MCMBP: variants seen among roughly 807,000 people sequenced by gnomAD.
The protein encoded by MCMBP is minichromosome maintenance complex binding protein, also known as mini-chromosome maintenance complex-binding protein.
In MCMBP, 31 loss-of-function variants were observed where a neutral mutation model predicts 81.3. The ratio of observed to expected loss-of-function variants is 0.38; its 90% CI spans 0.29 to 0.51. MCMBP has a LOEUF of 0.51. MCMBP is among the 20% of genes least tolerant of loss of function. The probability of loss-of-function intolerance (pLI) is 0.87; values close to 1 mark genes in which losing one functional copy is unlikely to be tolerated. For missense variants in MCMBP, 645 were observed against 772.1 expected (o/e 0.84, Z 1.95); for synonymous variants, 267 against 275.9 (o/e 0.97, Z 0.32).
intron 14 of MCMBP, among the ~76,000 whole-genome samples, chr10:119,834,427 A>G (rs1356760356): frequency 6.6e-6 from 1 of 152,194 alleles, no homozygotes; most frequent in African/African-American, 2.4e-5. Context: ...GTGGGAGGAC[A>G]TATTCGAAAT....
chr10:119,844,184 T>C (rs1467026246), intron 8 of MCMBP, among the ~76,000 whole-genome samples: 1 of 152,220 alleles, frequency 6.6e-6, no homozygotes, highest in South Asian at 2.1e-4. Flanking sequence ...TTGTTTTTCC[T>C]AAATTTAATT....
chr10:119,840,944 C>T lies in MCMBP; in HGVS notation c.1141G>A (p.Val381Ile). The T allele has an allele frequency of 1.9e-6, 3 of 1,601,822 alleles. No individual in the cohort carries two copies. ...LISTVYTRRDVLPLGKFTVNL... is the reference protein window; with the variant it reads ...LISTVYTRRDILPLGKFTVNL... ...ACTGTAAATTTTCCTAGTGGAAGGA[C>T]ATCTCTTCTTGTATATCTAGAAAAG... Residue 381 changes from valine (V) to isoleucine (I), a missense_variant, in exon 11 of 16, where the codon GTC (valine) becomes ATC (isoleucine). Physicochemically the swap from Val to Ile is conservative, Grantham distance 29. Transcript: ENST00000369077.
At position 119,849,571 on chromosome 10, in the gene MCMBP, C is replaced by T; in HGVS notation, c.580G>A (p.Val194Ile). 6.3e-7 allele frequency: 1 copy of T among 1,577,948 alleles called. No homozygotes were observed. Among genetic ancestry groups the T allele is most frequent in the Non-Finnish European group, 8.6e-7 (1 of 1,169,584 alleles). Residue 194 changes from valine to isoleucine, a missense_variant, in exon 7 of 16, where the codon GTT becomes ATT. Coordinates refer to ENST00000369077, the MANE Select transcript of MCMBP (RefSeq NM_001256378.2). ...QHAGARQAGS[V>I]GGLQWCGEPK... Reference sequence around the variant, plus strand: ...TCTCCACACCATTGAAGACCACCAACACTCCCTAAATTCAAAGGATAGCAT... The same window carrying T: ...TCTCCACACCATTGAAGACCACCAATACTCCCTAAATTCAAAGGATAGCAT...
chr10:119,850,882 T>G (rs935580093), intron 6 of MCMBP, among the ~76,000 whole-genome samples: 1 of 149,678 alleles, frequency 6.7e-6, no homozygotes, highest in Non-Finnish European at 1.5e-5. Context: ...CTGTTTTTTT[T>G]TTTTTTTTTT....
chr10:119,860,076 G>A (rs1220948723), intron 1 of MCMBP, among the ~76,000 whole-genome samples, 192 bp from the exon 2 acceptor site: 1 of 152,100 alleles, frequency 6.6e-6, no homozygotes, highest in African/African-American at 2.4e-5. Context: ...ACACATTCAA[G>A]AAGCTGTACT....
At chr10:119,838,267 ATATAT>A (rs1301043817) in intron 12 of MCMBP, among the ~76,000 whole-genome samples, 2 of 148,098 alleles carry the variant, frequency 1.4e-5, no homozygotes, top group East Asian at 1.9e-4. Flanking sequence ...ATGAGACATT[ATATAT>A]TATATATGAT....
chr10:119,859,864 C>G lies in MCMBP; in HGVS notation c.79G>C (p.Asp27His). Residue 27 changes from aspartate to histidine, a missense_variant, in exon 2 of 16, where the codon GAC becomes CAC. Transcript: ENST00000369077. Reference protein sequence around the residue: ...GFFAQNGVNPDWEKKVIEYFK... With the variant: ...GFFAQNGVNPHWEKKVIEYFK... ...TACTCAATTACTTTCTTCTCCCAGT[C>G]AGGATTAACTCCATTTTGGGCTGAA... 6.2e-7 allele frequency: 1 copy of G among 1,613,004 alleles called. No individual in the cohort carries two copies. The highest frequency in any genetic ancestry group is 8.5e-7 in the Non-Finnish European group (1 of 1,179,466).
rs780333288 is a variant in MCMBP at position 119,857,378 on chromosome 10, T to C, written c.389A>G (p.Tyr130Cys). The change falls in exon 5 of 16, where the codon TAT becomes TGT. Residue 130 changes from tyrosine to cysteine, a missense_variant. Transcript: ENST00000369077. Reference sequence around the variant, plus strand: ...AGATTCCCCAGGCACCGGAACACAATAGAAAGTCTGTCTTTCCAAAGTGGT... The same window carrying C: ...AGATTCCCCAGGCACCGGAACACAACAGAAAGTCTGTCTTTCCAAAGTGGT... ...RNTTLERQTFYCVPVPGESTW... is the reference protein window; with the variant it reads ...RNTTLERQTFCCVPVPGESTW... 8.1e-6 allele frequency: 13 copies of C among 1,611,342 alleles called. No homozygotes were observed. Among genetic ancestry groups the C allele is most frequent in the East Asian group, 2.2e-5 (1 of 44,790 alleles).
At chr10:119,870,607 T>C (rs972846202) in intron 1 of MCMBP, among the ~76,000 whole-genome samples, 2 of 152,258 alleles carry the variant, frequency 1.3e-5, no homozygotes, top group African/African-American at 2.4e-5. Context: ...TTTTCTGCTA[T>C]ATGTTGCTGA....
rs760237146 is a variant in MCMBP, at chr10:119,843,402, C to A, written c.852G>T (p.Pro284=). 9 of 1,613,684 alleles carry A rather than the reference C, an allele frequency of 5.6e-6. No homozygotes were observed. The highest frequency in any genetic ancestry group is 7.6e-6 in the Non-Finnish European group (9 of 1,179,806). The part of the protein sequence containing the change: ...DERDASALLD[P]MECTDTAEEQ... Reference sequence around the variant, plus strand: ...CCTCTGCTGTGTCTGTGCACTCCATCGGATCCAGCAGTGCAGAGGCATCCC... The same window carrying A: ...CCTCTGCTGTGTCTGTGCACTCCATAGGATCCAGCAGTGCAGAGGCATCCC... Residue 284 remains proline, a synonymous_variant, in exon 9 of 16, where the codon CCG becomes CCT. Coordinates refer to ENST00000369077, the MANE Select transcript of MCMBP (RefSeq NM_001256378.2).
At position 119,853,042 on chromosome 10, in the gene MCMBP, C is replaced by T. The variant is rs1224921990; in HGVS notation, c.574+8G>A. ...AAAGTCTAGAGAAAACCTGTTGGCACACACTACCTGCTTGTCTGGCACCTG... is the reference window on the plus strand; with the variant it reads ...AAAGTCTAGAGAAAACCTGTTGGCATACACTACCTGCTTGTCTGGCACCTG... On this transcript the variant is annotated splice_region_variant and intron_variant, in intron 6 of 15. Transcript: ENST00000369077. 2.5e-6 allele frequency: 4 copies of T among 1,613,714 alleles called. No individual in the cohort carries two copies. Among genetic ancestry groups the T allele is most frequent in the Non-Finnish European group, 3.4e-6 (4 of 1,179,836 alleles).
intron 11 of MCMBP, among the ~76,000 whole-genome samples, chr10:119,840,243 G>A (rs1249915993): frequency 3.3e-5 from 5 of 152,186 alleles, no homozygotes; most frequent in Non-Finnish European, 7.4e-5. Flanking sequence ...GCTTCTTGAG[G>A]GCCTGGACGA....
At position 119,836,983 on chromosome 10, in the gene MCMBP, C is replaced by G; in HGVS notation, c.1455G>C (p.Lys485Asn). 1 of 1,613,766 alleles carries G rather than the reference C, an allele frequency of 6.2e-7. No homozygotes were observed. Among genetic ancestry groups the G allele is most frequent in the East Asian group, 2.2e-5 (1 of 44,880 alleles). ...GATGGTAGCTGAAGTCATAATCCAC[C>G]TTCTGCCACGTTATGAGGTTGCTCA... The part of the protein sequence containing the change: ...TALSNLITWQ[K>N]VDYDFSYHQM... Residue 485 changes from lysine to asparagine, a missense_variant, in exon 13 of 16, where the codon AAG becomes AAC. By Grantham distance (94) the Lys-to-Asn change is moderately conservative. Transcript: ENST00000369077.
chr10:119,830,217 A>G lies in MCMBP; in HGVS notation c.*1257T>C, dbSNP rs547715422. ...ACAATTTCAATTTAGGCCTTATAGG[A>G]AAAAACGTAAGGGATCCTTTATCTG... is the stretch of plus-strand genomic sequence containing the variant. On this transcript the variant is annotated 3_prime_UTR_variant, in exon 16 of 16. Coordinates refer to ENST00000369077, the MANE Select transcript of MCMBP (RefSeq NM_001256378.2). 1 of 152,760 alleles carries G rather than the reference A, an allele frequency of 6.5e-6. No individual in the cohort carries two copies. The highest frequency in any genetic ancestry group is 1.9e-4 in the East Asian group (1 of 5,176). 9.5% of individuals were successfully genotyped at this position (152,760 alleles called of 1,614,324 possible). A position where few individuals can be genotyped will look rare whatever the true frequency, so the allele number is the denominator to read the frequency against.
chr10:119,841,137 T>C, intron 10 of MCMBP, among the ~76,000 whole-genome samples, 177 bp from the exon 11 acceptor site: 1 of 152,270 alleles, frequency 6.6e-6, no homozygotes, highest in Non-Finnish European at 1.5e-5. Flanking sequence ...TGTACGTAAG[T>C]GCTGCTGGTC....
At chr10:119,870,388 A>G (rs1853629158) in intron 1 of MCMBP, among the ~76,000 whole-genome samples, 2 of 152,250 alleles carry the variant, frequency 1.3e-5, no homozygotes, top group Admixed American at 6.5e-5. Context: ...CGGAGGTTGC[A>G]GTGAGCCGAG....
intron 6 of MCMBP, among the ~76,000 whole-genome samples, chr10:119,852,628 T>C (rs1852874182): frequency 6.6e-6 from 1 of 152,186 alleles, no homozygotes; most frequent in African/African-American, 2.4e-5. Flanking sequence ...CAATAAGCCA[T>C]GATTATGCCA....
At chr10:119,839,817 T>G (rs1328684197) in intron 11 of MCMBP, among the ~76,000 whole-genome samples, 1 of 152,222 alleles carries the variant, frequency 6.6e-6, no homozygotes, top group Non-Finnish European at 1.5e-5. Flanking sequence ...CCCAGTTATC[T>G]GCAAAGGCTA....
intron 14 of MCMBP, among the ~76,000 whole-genome samples, chr10:119,833,476 C>CA (rs570174141): frequency 0.022 from 1,831 of 85,078 alleles, 29 homozygotes; most frequent in African/African-American, 0.066. Flanking sequence ...CTCATCACTA[C>CA]AAAAAAAAAA....
Sources: allele counts gnomAD v4.1 joint callset (sites outside exome capture counted in the v4.1 genomes callset), GRCh38; gene constraint gnomAD v4.1.1; transcripts MANE v1.5; gene names NCBI Gene and HGNC (gene_info 2026-07-23, HGNC 2026-07-21).